PRKG1: variants seen among roughly 807,000 people sequenced by gnomAD.
The protein encoded by PRKG1 is protein kinase cGMP-dependent 1, also known as cGMP-dependent protein kinase 1.
PRKG1 carries 35 observed loss-of-function variants against 88.1 expected under a neutral mutation model. The observed-to-expected ratio is 0.40, with a 90% CI of 0.30 to 0.53. The LOEUF (loss-of-function observed/expected upper bound fraction) is 0.53, where lower values mean the gene tolerates loss of function less well. Among genes scored for constraint, PRKG1 ranks in the 20% least tolerant of loss-of-function variants. PRKG1 has a pLI of 0.59. For synonymous variants in PRKG1, 303 were observed against 292.5 expected (o/e 1.04, Z -0.37); for missense variants, 540 against 839.8 (o/e 0.64, Z 4.41).
intron 2 of PRKG1, among the ~76,000 whole-genome samples, chr10:51,297,188 A>C (rs569089926): frequency 2.0e-5 from 3 of 152,128 alleles, no homozygotes; most frequent in East Asian, 1.9e-4. Context: ...TAATAGGGGG[A>C]AAAAGGGCAT....
chr10:51,362,191 G>A (rs548720747), intron 2 of PRKG1, among the ~76,000 whole-genome samples: 61 of 151,978 alleles, frequency 4.0e-4, no homozygotes, highest in African/African-American at 1.3e-3. Context: ...CTGGAGTACA[G>A]TGGCATGATC....
At chr10:52,200,817 G>A (rs1209881819) in intron 9 of PRKG1, among the ~76,000 whole-genome samples, 1 of 152,062 alleles carries the variant, frequency 6.6e-6, no homozygotes, top group Non-Finnish European at 1.5e-5. Context: ...ATGATGTTGA[G>A]CATTTTTTTC....
Position 52,210,420 on chromosome 10 carries a change from C to T in PRKG1, c.1077-41150C>T, listed in dbSNP as rs115354147. Among the ~76,000 whole-genome samples, 487 of 152,184 alleles carry T rather than the reference C, an allele frequency of 3.2e-3. 3 individuals are homozygous for T. Among genetic ancestry groups the T allele is most frequent in the Middle Eastern group, 0.01 (3 of 294 alleles). Reference sequence around the variant, plus strand: ...TGTAAATGTCACTTCCTCAGAGAAGCCTTCCCTGACCACTCATTTAAAAAA... The same window carrying T: ...TGTAAATGTCACTTCCTCAGAGAAGTCTTCCCTGACCACTCATTTAAAAAA... On this transcript the variant is annotated intron_variant, in intron 9 of 17. Coordinates refer to ENST00000373980, the MANE Select transcript of PRKG1 (RefSeq NM_006258.4).
chr10:52,135,824 G>A (rs1837398714), intron 8 of PRKG1, among the ~76,000 whole-genome samples: 1 of 152,008 alleles, frequency 6.6e-6, no homozygotes, highest in Non-Finnish European at 1.5e-5. Flanking sequence ...CTTTAGAATT[G>A]CCTACATGTG....
chr10:51,457,508 T>C (rs2132788170), intron 2 of PRKG1, among the ~76,000 whole-genome samples: 1 of 152,220 alleles, frequency 6.6e-6, no homozygotes. Context: ...AACCAAAATC[T>C]CAGAAATCAC....
intron 4 of PRKG1, among the ~76,000 whole-genome samples, chr10:51,877,858 T>TTC (rs1841338105): frequency 6.6e-6 from 1 of 152,176 alleles, no homozygotes; most frequent in Non-Finnish European, 1.5e-5. Context: ...AGCATCCAGA[T>TTC]TAGAATTACT....
intron 2 of PRKG1, among the ~76,000 whole-genome samples, chr10:51,296,510 G>A (rs1840724130): frequency 6.6e-6 from 1 of 151,866 alleles, no homozygotes. Flanking sequence ...TCATTTCTGA[G>A]GCATCCATTG....
chr10:52,193,744 C>T (rs1468602056), intron 9 of PRKG1, among the ~76,000 whole-genome samples: 1 of 152,108 alleles, frequency 6.6e-6, no homozygotes, highest in Non-Finnish European at 1.5e-5. Context: ...GGCAAATCTT[C>T]CTTTTTAGAA....
intron 3 of PRKG1, among the ~76,000 whole-genome samples, chr10:51,670,361 AT>A (rs1378610227): frequency 6.6e-6 from 1 of 151,326 alleles, no homozygotes; most frequent in Non-Finnish European, 1.5e-5. Context: ...TGTTCATTTT[AT>A]TTCTATTTTT....
intron 1 of PRKG1, among the ~76,000 whole-genome samples, chr10:51,089,739 C>T (rs781651885): frequency 5.4e-4 from 82 of 152,158 alleles, no homozygotes; most frequent in Non-Finnish European, 1.0e-3. Context: ...ATTTATGCCT[C>T]ACAATACCTG....
intron 2 of PRKG1, among the ~76,000 whole-genome samples, chr10:51,200,089 T>C (rs1440678510): frequency 2.6e-5 from 4 of 152,186 alleles, no homozygotes; most frequent in African/African-American, 2.4e-5. Flanking sequence ...AGTGGTGGCA[T>C]GTGGGCTAAC....
intron 5 of PRKG1, among the ~76,000 whole-genome samples, chr10:51,913,111 T>C (rs1185110536): frequency 6.6e-6 from 1 of 152,178 alleles, no homozygotes; most frequent in Admixed American, 6.5e-5. Context: ...GTATTTTTAG[T>C]AGAGACAGGG....
At chr10:51,125,995 A>C (rs1236977218) in intron 1 of PRKG1, among the ~76,000 whole-genome samples, 135 of 125,938 alleles carry the variant, frequency 1.1e-3, no homozygotes, top group South Asian at 6.9e-3. Context: ...AATTATATAA[A>C]TGATATAATT....
chr10:51,341,702 T>C (rs138833494), intron 2 of PRKG1, among the ~76,000 whole-genome samples: 1 of 152,228 alleles, frequency 6.6e-6, no homozygotes, highest in African/African-American at 2.4e-5. Flanking sequence ...GTTCCAAGGG[T>C]AAAGTATCTG....
chr10:51,318,626 A>G (rs1293715451), intron 2 of PRKG1, among the ~76,000 whole-genome samples: 1 of 152,162 alleles, frequency 6.6e-6, no homozygotes, highest in Non-Finnish European at 1.5e-5. Context: ...GGGAAAGCAG[A>G]GGGAAATTCC....
intron 3 of PRKG1, among the ~76,000 whole-genome samples, chr10:51,601,900 C>T (rs7094136): frequency 0.078 from 11,874 of 151,536 alleles, 1,545 homozygotes; most frequent in African/African-American, 0.27. Context: ...ATAATCTGGT[C>T]TGTGAATTAA....
chr10:50,995,802 C>T (rs891032118), intron 1 of PRKG1, among the ~76,000 whole-genome samples: 33 of 152,148 alleles, frequency 2.2e-4, no homozygotes, highest in African/African-American at 6.8e-4. Context: ...TAAAAATAGA[C>T]GTATTCCAGA....
intron 2 of PRKG1, among the ~76,000 whole-genome samples, chr10:51,399,231 T>C (rs1022352383): frequency 6.6e-6 from 1 of 152,076 alleles, no homozygotes; most frequent in African/African-American, 2.4e-5. Context: ...ATAAGAGATT[T>C]GTTATTATAA....
chr10:51,890,286 T>C (rs970502910), intron 4 of PRKG1, among the ~76,000 whole-genome samples: 1 of 152,222 alleles, frequency 6.6e-6, no homozygotes, highest in Non-Finnish European at 1.5e-5. Context: ...TAATTCCTCC[T>C]ATTTCTACCT....
Sources: gnomAD v4.1 joint callset for allele counts (sites outside exome capture counted in the v4.1 genomes callset) on GRCh38, gnomAD v4.1.1 for gene constraint, MANE v1.5 for transcripts, NCBI Gene and HGNC (gene_info 2026-07-23, HGNC 2026-07-21) for gene names.